RIGI: variants seen among roughly 807,000 people sequenced by gnomAD.
RIGI encodes RNA sensor RIG-I, also known as antiviral innate immune response receptor RIG-I.
chr9:32,491,500 AT>A, the RIGI span: 2 of 1,156,384 alleles, frequency 1.7e-6, no homozygotes, highest in Non-Finnish European at 1.2e-6. Flanking sequence ...CAAAATGGTC[AT>A]AACACTAAGA....
chr9:32,458,942 C>T, the RIGI span, among the ~76,000 whole-genome samples: 46,331 of 144,984 alleles, frequency 0.32, 8,031 homozygotes, highest in East Asian at 0.52. Flanking sequence ...CAGGCTGGAG[C>T]GCAGTGGCGC....
At chr9:32,504,036 C>CAA in the RIGI span, among the ~76,000 whole-genome samples, 1 of 144,364 alleles carries the variant, frequency 6.9e-6, no homozygotes, top group African/African-American at 2.6e-5. Flanking sequence ...AGCAAGACTC[C>CAA]AAACACACAC....
chr9:32,508,761 C>T, the RIGI span, among the ~76,000 whole-genome samples: 52 of 152,172 alleles, frequency 3.4e-4, no homozygotes, highest in Admixed American at 1.2e-3. Flanking sequence ...ACCATTCACT[C>T]TCCTGGAAAG....
At chr9:32,507,964 T>C in the RIGI span, among the ~76,000 whole-genome samples, 4 of 152,186 alleles carry the variant, frequency 2.6e-5, no homozygotes, top group African/African-American at 9.6e-5. Flanking sequence ...CCTTGTGTTA[T>C]CTTGTTTATA....
the RIGI span, among the ~76,000 whole-genome samples, chr9:32,483,345 A>T: frequency 2.6e-5 from 4 of 152,316 alleles, no homozygotes; most frequent in Middle Eastern, 3.4e-3. Flanking sequence ...GCAGTAAAGA[A>T]GATGAGCCAA....
chr9:32,457,809 C>T, the RIGI span, among the ~76,000 whole-genome samples: 1 of 152,184 alleles, frequency 6.6e-6, no homozygotes, highest in South Asian at 2.1e-4. Flanking sequence ...ACAGGGAAAA[C>T]GACCAAGGTC....
chr9:32,464,882 G>A, the RIGI span, among the ~76,000 whole-genome samples: 1 of 152,090 alleles, frequency 6.6e-6, no homozygotes, highest in Non-Finnish European at 1.5e-5. Flanking sequence ...CTATTACATA[G>A]CCTGATTCAA....
At chr9:32,512,289 T>C in the RIGI span, among the ~76,000 whole-genome samples, 85,243 of 151,968 alleles carry the variant, frequency 0.56, 24,419 homozygotes, top group Middle Eastern at 0.68. Flanking sequence ...AGGCCAATAT[T>C]CCTGATGAAC....
At chr9:32,481,501 T>TAA in the RIGI span, 2 of 1,513,510 alleles carry the variant, frequency 1.3e-6, no homozygotes, top group Admixed American at 2.2e-5. Context: ...AAGTTTTCTG[T>TAA]TAAAAAAAAA....
chr9:32,493,038 T>C, the RIGI span, among the ~76,000 whole-genome samples: 1 of 152,202 alleles, frequency 6.6e-6, no homozygotes, highest in Non-Finnish European at 1.5e-5. Context: ...TACCATATTA[T>C]AAGGTAACAT....
chr9:32,515,446 T>G, the RIGI span, among the ~76,000 whole-genome samples: 1 of 152,208 alleles, frequency 6.6e-6, no homozygotes, highest in African/African-American at 2.4e-5. Flanking sequence ...AAGTGCTGTT[T>G]CTTTCTCAGA....
chr9:32,490,340 G>A, the RIGI span, among the ~76,000 whole-genome samples: 2 of 152,204 alleles, frequency 1.3e-5, no homozygotes, highest in Admixed American at 1.3e-4. Flanking sequence ...CTGCACGCCA[G>A]CCTGAGCAAC....
the RIGI span, chr9:32,488,899 T>A: frequency 1.3e-6 from 2 of 1,583,794 alleles, no homozygotes; most frequent in Admixed American, 1.9e-5. Context: ...TTTTAACATG[T>A]AAGGAAAAAA....
the RIGI span, among the ~76,000 whole-genome samples, chr9:32,499,321 T>TTG: frequency 6.8e-6 from 1 of 147,690 alleles, no homozygotes; most frequent in Admixed American, 6.7e-5. Flanking sequence ...GATTTGTTTT[T>TTG]TTTTTTTTTT....
At chr9:32,504,067 A>ACACACACACACACACACACC in the RIGI span, among the ~76,000 whole-genome samples, 15 of 151,318 alleles carry the variant, frequency 9.9e-5, no homozygotes, top group Non-Finnish European at 1.9e-4. Context: ...ACACACACAC[A>ACACACACACACACACACACC]CCCAGGTCTG....
chr9:32,523,425 G>A, the RIGI span, among the ~76,000 whole-genome samples: 2 of 152,008 alleles, frequency 1.3e-5, no homozygotes, highest in African/African-American at 2.4e-5. Flanking sequence ...ACCTAAATCC[G>A]AATTTTTCTC....
the RIGI span, among the ~76,000 whole-genome samples, chr9:32,504,903 GTA>G: frequency 7.8e-6 from 1 of 128,804 alleles, no homozygotes; most frequent in South Asian, 2.3e-4. Context: ...ATATATAAAA[GTA>G]TATATTATAT....
the RIGI span, among the ~76,000 whole-genome samples, chr9:32,499,500 A>G: frequency 1.1e-3 from 168 of 151,876 alleles, 2 homozygotes; most frequent in Non-Finnish European, 1.4e-3. Flanking sequence ...TCATTGCCCA[A>G]GCTGGAGTGC....
At chr9:32,488,274 A>G in the RIGI span, 1 of 1,495,822 alleles carries the variant, frequency 6.7e-7, no homozygotes, top group Non-Finnish European at 9.1e-7. Context: ...GAAATGCTAG[A>G]TCAGAACATC....
Sources: allele counts gnomAD v4.1 joint callset (sites outside exome capture counted in the v4.1 genomes callset), GRCh38; gene constraint gnomAD v4.1.1; transcripts MANE v1.5; gene names NCBI Gene and HGNC (gene_info 2026-07-23, HGNC 2026-07-21).